Variants in ROBO2 observed in about 807,000 individuals in gnomAD.
ROBO2 encodes the protein roundabout guidance receptor 2.
In ROBO2, 53 loss-of-function variants were observed where a neutral mutation model predicts 160.8. The observed-to-expected ratio is 0.33, with a 90% confidence interval of 0.26 to 0.41. The LOEUF (loss-of-function observed/expected upper bound fraction) is 0.41. Ranked by LOEUF, ROBO2 falls within the 10% of genes least tolerant of loss-of-function variation. The probability of loss-of-function intolerance (pLI) is 1.00; values close to 1 mark genes in which losing one functional copy is unlikely to be tolerated. For synonymous variants in ROBO2, 664 were observed against 611.7 expected (o/e 1.09, Z -1.26); for missense variants, 1,577 against 1,722.4 (o/e 0.92, Z 1.49).
At chr3:76,419,604 A>C (rs144965244) in intron 2 of ROBO2, among the ~76,000 whole-genome samples, 14 of 152,168 alleles carry the variant, frequency 9.2e-5, no homozygotes, top group African/African-American at 3.4e-4. Flanking sequence ...AAACTAGATT[A>C]CCCTGTGTTG....
intron 2 of ROBO2, among the ~76,000 whole-genome samples, chr3:76,473,438 C>T (rs1401634230): frequency 6.6e-6 from 1 of 152,114 alleles, no homozygotes; most frequent in Non-Finnish European, 1.5e-5. Context: ...GAATACCTTC[C>T]TCTCAGACTC....
chr3:77,596,943 C>T (rs1301232847), intron 19 of ROBO2, among the ~76,000 whole-genome samples, 193 bp downstream of exon 20: 1 of 151,856 alleles, frequency 6.6e-6, no homozygotes, highest in Admixed American at 6.6e-5. Context: ...TCTTCATTAC[C>T]TTGAGTAAAA....
intron 2 of ROBO2, among the ~76,000 whole-genome samples, chr3:76,995,450 C>T (rs1018199327): frequency 1.7e-4 from 26 of 152,076 alleles, no homozygotes; most frequent in Admixed American, 5.2e-4. Context: ...TTTTATAATC[C>T]TTTGAGTATA....
intron 2 of ROBO2, among the ~76,000 whole-genome samples, chr3:77,262,213 T>G (rs1207276548): frequency 6.6e-6 from 1 of 152,168 alleles, no homozygotes; most frequent in Non-Finnish European, 1.5e-5. Flanking sequence ...CATTCTCAAG[T>G]AAAGCCATAG....
At chr3:76,650,176 A>T (rs2091186263) in intron 2 of ROBO2, among the ~76,000 whole-genome samples, 1 of 152,172 alleles carries the variant, frequency 6.6e-6, no homozygotes, top group South Asian at 2.1e-4. Flanking sequence ...AGGAATAAAG[A>T]GAAAAAAGGA....
At chr3:77,635,191 A>C (rs1315882384) in intron 24 of ROBO2, 148 bp downstream of exon 25, 8 of 762,578 alleles carry the variant, frequency 1.0e-5, no homozygotes, top group Admixed American at 2.6e-5. Flanking sequence ...TGTTTAAATA[A>C]AACACCATTT....
chr3:77,509,468 TA>T (rs2089077881), intron 5 of ROBO2, among the ~76,000 whole-genome samples: 2 of 152,024 alleles, frequency 1.3e-5, no homozygotes, highest in Admixed American at 6.6e-5. Flanking sequence ...AACTAGAGGT[TA>T]GGGGTGGCTC....
intron 2 of ROBO2, among the ~76,000 whole-genome samples, chr3:76,502,816 A>C (rs989083935): frequency 6.6e-6 from 1 of 152,202 alleles, no homozygotes; most frequent in Non-Finnish European, 1.5e-5. Context: ...TCTTTTAAAC[A>C]AGAGAAAAAA....
At chr3:77,530,217 G>A (rs1188948157) in intron 6 of ROBO2, among the ~76,000 whole-genome samples, 1 of 151,898 alleles carries the variant, frequency 6.6e-6, no homozygotes, top group African/African-American at 2.4e-5. Flanking sequence ...TATGTACCAA[G>A]CATATAACGT....
At chr3:76,035,284 T>A (rs2067069100) in intron 2 of ROBO2, among the ~76,000 whole-genome samples, 2 of 151,822 alleles carry the variant, frequency 1.3e-5, no homozygotes, top group Middle Eastern at 3.2e-3. Flanking sequence ...AATGCGCATA[T>A]GCCAAAATCC....
intron 2 of ROBO2, among the ~76,000 whole-genome samples, chr3:76,656,013 T>C (rs1417366144): frequency 3.3e-5 from 5 of 152,176 alleles, no homozygotes; most frequent in African/African-American, 9.6e-5. Flanking sequence ...ATGCAGATGT[T>C]TTAAATCATA....
At chr3:76,202,440 A>C (rs1702580664) in intron 2 of ROBO2, among the ~76,000 whole-genome samples, 1 of 152,214 alleles carries the variant, frequency 6.6e-6, no homozygotes, top group South Asian at 2.1e-4. Flanking sequence ...GCTTATCTAA[A>C]TCATGTACCT....
intron 2 of ROBO2, among the ~76,000 whole-genome samples, chr3:76,868,771 T>C (rs9827033): frequency 0.049 from 7,068 of 144,624 alleles, 378 homozygotes; most frequent in African/African-American, 0.13. Context: ...TTAAACAGAG[T>C]TAATAGGAAC....
At chr3:77,521,393 T>G (rs1411173032) in intron 5 of ROBO2, among the ~76,000 whole-genome samples, 1 of 151,236 alleles carries the variant, frequency 6.6e-6, no homozygotes, top group Admixed American at 6.6e-5. Context: ...TTCATCAAAA[T>G]AGATAACAAT....
intron 2 of ROBO2, among the ~76,000 whole-genome samples, chr3:76,712,754 C>A (rs992158242): frequency 6.6e-6 from 1 of 151,776 alleles, no homozygotes; most frequent in African/African-American, 2.4e-5. Context: ...ATTATAGGAG[C>A]AGCTATAAAA....
chr3:77,013,171 G>A (rs1200559262), intron 2 of ROBO2, among the ~76,000 whole-genome samples: 1 of 151,954 alleles, frequency 6.6e-6, no homozygotes, highest in Non-Finnish European at 1.5e-5. Context: ...CAATCACAAG[G>A]CATCATATCC....
intron 2 of ROBO2, among the ~76,000 whole-genome samples, chr3:77,363,918 G>T (rs1425092093): frequency 6.6e-6 from 1 of 152,112 alleles, no homozygotes; most frequent in Admixed American, 6.6e-5. Context: ...TGGGAGAAGG[G>T]CAGACAGAGG....
At chr3:76,842,934 C>G (rs1398485180) in intron 2 of ROBO2, among the ~76,000 whole-genome samples, 1 of 149,940 alleles carries the variant, frequency 6.7e-6, no homozygotes, top group Non-Finnish European at 1.5e-5. Context: ...TTTGATCACA[C>G]AAGTAGTTAT....
chr3:76,050,474 T>C (rs113431655), intron 2 of ROBO2, among the ~76,000 whole-genome samples: 1 of 152,104 alleles, frequency 6.6e-6, no homozygotes, highest in Non-Finnish European at 1.5e-5. Context: ...CTTCACCTTA[T>C]GATCATGTGA....
Sources: gnomAD v4.1 joint callset for allele counts (sites outside exome capture counted in the v4.1 genomes callset) on GRCh38, gnomAD v4.1.1 for gene constraint, MANE v1.5 for transcripts, NCBI Gene and HGNC (gene_info 2026-07-23, HGNC 2026-07-21) for gene names.